TENM3: variants seen among roughly 807,000 people sequenced by gnomAD.
The protein encoded by TENM3 is teneurin transmembrane protein 3.
In TENM3, 63 loss-of-function variants were observed where a neutral mutation model predicts 255.1. The observed-to-expected ratio is 0.25, with a 90% CI of 0.20 to 0.30. The LOEUF (loss-of-function observed/expected upper bound fraction) is 0.30. TENM3 is among the 10% of genes least tolerant of loss of function. The probability of loss-of-function intolerance (pLI) is 1.00; values close to 1 mark genes in which losing one functional copy is unlikely to be tolerated. For missense variants in TENM3, 2,929 were observed against 3,461.1 expected (o/e 0.85, Z 3.86); for synonymous variants, 1,306 against 1,322.3 (o/e 0.99, Z 0.27).
intron 3 of TENM3, among the ~76,000 whole-genome samples, chr4:182,468,497 A>AT (rs1477002842): frequency 1.3e-5 from 2 of 151,930 alleles, no homozygotes; most frequent in Non-Finnish European, 2.9e-5. Context: ...AATGGTTTGG[A>AT]TTTTTTTTAG....
At chr4:182,584,574 C>T (rs899192710) in intron 3 of TENM3, among the ~76,000 whole-genome samples, 1 of 152,102 alleles carries the variant, frequency 6.6e-6, no homozygotes, top group Non-Finnish European at 1.5e-5. Context: ...AGCGATTTGT[C>T]TTAAGCAAAT....
intron 13 of TENM3, among the ~76,000 whole-genome samples, chr4:182,720,759 C>A (rs976409006): frequency 7.1e-6 from 1 of 140,644 alleles, no homozygotes; most frequent in Admixed American, 7.3e-5. Flanking sequence ...TACTAAAAGT[C>A]TCCCCTCTTT....
chr4:182,252,380 G>A (rs1320541986), intron 1 of TENM3, among the ~76,000 whole-genome samples: 1 of 152,080 alleles, frequency 6.6e-6, no homozygotes, highest in Admixed American at 6.6e-5. Context: ...AGTAGAAATT[G>A]CTTTCATGGA....
the TENM3 span, among the ~76,000 whole-genome samples, chr4:181,680,768 C>T: frequency 6.6e-6 from 1 of 152,088 alleles, no homozygotes; most frequent in African/African-American, 2.4e-5. Context: ...TTACTCAAGT[C>T]AATCCAAATT....
At chr4:182,413,721 A>G (rs541313176) in intron 3 of TENM3, among the ~76,000 whole-genome samples, 5 of 152,324 alleles carry the variant, frequency 3.3e-5, no homozygotes, top group African/African-American at 1.2e-4. Flanking sequence ...TTTGACATAG[A>G]GAGTAAATAA....
At chr4:182,144,964 C>G (rs936700361) in intron 1 of TENM3, 2 of 152,058 alleles carry the variant, frequency 1.3e-5, no homozygotes, top group East Asian at 2.0e-4. Flanking sequence ...CTCCGGCCGC[C>G]GGCTCAGGTG....
the TENM3 span, among the ~76,000 whole-genome samples, chr4:181,595,712 T>C: frequency 6.6e-6 from 1 of 152,160 alleles, no homozygotes; most frequent in Admixed American, 6.5e-5. Flanking sequence ...TGTTCTCTGC[T>C]CTTTTCTCTT....
chr4:182,770,159 C>G (rs1764076427), intron 22 of TENM3, among the ~76,000 whole-genome samples: 4 of 151,680 alleles, frequency 2.6e-5, no homozygotes, highest in Admixed American at 2.6e-4. Flanking sequence ...CAGGTAGGTC[C>G]CGCCTCTCTT....
chr4:182,660,310 T>G (rs764874666), intron 6 of TENM3, among the ~76,000 whole-genome samples: 28 of 152,286 alleles, frequency 1.8e-4, no homozygotes, highest in Admixed American at 7.2e-4. Flanking sequence ...TGATATAAAG[T>G]ATACGAAGGG....
At chr4:182,724,816 A>G (rs1358247440) in intron 13 of TENM3, among the ~76,000 whole-genome samples, 1 of 152,190 alleles carries the variant, frequency 6.6e-6, no homozygotes, top group Non-Finnish European at 1.5e-5. Context: ...TACTTTTCCT[A>G]TTGAATCATT....
the TENM3 span, among the ~76,000 whole-genome samples, chr4:181,498,943 G>A: frequency 1.1e-4 from 17 of 152,124 alleles, no homozygotes; most frequent in Non-Finnish European, 2.1e-4. Context: ...TATATTAGAT[G>A]TATTCACACA....
chr4:181,878,991 T>A, the TENM3 span, among the ~76,000 whole-genome samples: 3 of 152,320 alleles, frequency 2.0e-5, no homozygotes, highest in South Asian at 6.2e-4. Context: ...AGTTCTAGTC[T>A]ATTCTCTTTT....
chr4:182,322,507 A>T (rs1385095957), intron 1 of TENM3, among the ~76,000 whole-genome samples: 1 of 152,164 alleles, frequency 6.6e-6, no homozygotes, highest in African/African-American at 2.4e-5. Flanking sequence ...TAGCTGATGG[A>T]AGGCAAAACT....
intron 4 of TENM3, among the ~76,000 whole-genome samples, chr4:182,609,320 T>C (rs959359178): frequency 2.0e-5 from 3 of 152,216 alleles, no homozygotes; most frequent in South Asian, 2.1e-4. Flanking sequence ...CCAATTAATA[T>C]ACACCCTGTC....
At chr4:181,646,779 A>G in the TENM3 span, among the ~76,000 whole-genome samples, 657 of 152,282 alleles carry the variant, frequency 4.3e-3, 4 homozygotes, top group African/African-American at 0.015. Flanking sequence ...GGTACAATAT[A>G]AGCAGAATCA....
rs140468648 is a variant in TENM3 at position 182,318,735 on chromosome 4, G to A, written c.-75-5211G>A. Among the ~76,000 whole-genome samples, 880 of 152,266 alleles carry A rather than the reference G, an allele frequency of 5.8e-3. 8 individuals carry two copies. The highest frequency in any genetic ancestry group is 0.02 in the African/African-American group (835 of 41,544). ...AACCAACTCAGCTTGATATTGTTGT[G>A]TGTTTGCTGTAGCCAGTTCAATCAG... On this transcript the variant is annotated intron_variant, in intron 1 of 27. Coordinates refer to ENST00000511685, the MANE Select transcript of TENM3 (RefSeq NM_001080477.4).
At chr4:182,158,797 G>A (rs1229610220) in intron 1 of TENM3, among the ~76,000 whole-genome samples, 1 of 152,154 alleles carries the variant, frequency 6.6e-6, no homozygotes, top group Non-Finnish European at 1.5e-5. Context: ...TATAACTAAA[G>A]TATATTGGGA....
intron 3 of TENM3, among the ~76,000 whole-genome samples, chr4:182,400,469 T>C (rs1034584152): frequency 1.3e-5 from 2 of 152,222 alleles, no homozygotes; most frequent in African/African-American, 2.4e-5. Flanking sequence ...AAACACTGTA[T>C]GTTGGCTAAA....
intron 3 of TENM3, among the ~76,000 whole-genome samples, chr4:182,377,045 G>A (rs17073200): frequency 2.6e-5 from 4 of 152,132 alleles, no homozygotes; most frequent in African/African-American, 7.2e-5. Flanking sequence ...TAATCCGTCC[G>A]CACTGTCTCC....
Sources: allele counts gnomAD v4.1 joint callset (sites outside exome capture counted in the v4.1 genomes callset), GRCh38; gene constraint gnomAD v4.1.1; transcripts MANE v1.5; gene names NCBI Gene and HGNC (gene_info 2026-07-23, HGNC 2026-07-21).